Variants in PARP8 observed in about 807,000 individuals in gnomAD.
PARP8 encodes poly(ADP-ribose) polymerase family member 8.
In PARP8, 51 loss-of-function variants were observed where a neutral mutation model predicts 124.1. That is an observed-to-expected ratio of 0.41 (90% confidence interval 0.33 to 0.52). The LOEUF is 0.52. Ranked by LOEUF, PARP8 falls within the 20% of genes least tolerant of loss-of-function variation. The probability of loss-of-function intolerance (pLI) is 0.21; values close to 1 mark genes in which losing one functional copy is unlikely to be tolerated. For synonymous variants in PARP8, 391 were observed against 361.5 expected, an observed-to-expected ratio of 1.08 and a Z score of -0.93; for missense variants, 860 against 1,018.9, an observed-to-expected ratio of 0.84 and a Z score of 2.12.
chr5:50,791,552 C>T (rs369528953), intron 10 of PARP8, among the ~76,000 whole-genome samples: 9 of 152,128 alleles, frequency 5.9e-5, no homozygotes, highest in East Asian at 1.9e-4. Flanking sequence ...GTCAAAATAG[C>T]CTAAAAGAAA....
At chr5:50,772,796 A>C (rs922276119) in intron 7 of PARP8, among the ~76,000 whole-genome samples, 1 of 152,178 alleles carries the variant, frequency 6.6e-6, no homozygotes, top group Non-Finnish European at 1.5e-5. Context: ...GACTGGGTTC[A>C]AGCGATTATC....
intron 14 of PARP8, among the ~76,000 whole-genome samples, chr5:50,807,080 GTT>G (rs909977592): frequency 6.9e-6 from 1 of 145,458 alleles, no homozygotes. Context: ...ACTGTCCCAT[GTT>G]TTTTTTTTTC....
chr5:50,748,905 A>G (rs910295825), intron 2 of PARP8, among the ~76,000 whole-genome samples: 1 of 152,106 alleles, frequency 6.6e-6, no homozygotes, highest in African/African-American at 2.4e-5. Context: ...GCTCTTCTTG[A>G]TATTTTCTGC....
intron 9 of PARP8, among the ~76,000 whole-genome samples, chr5:50,784,048 G>A (rs1336164343): frequency 1.3e-5 from 2 of 151,972 alleles, no homozygotes; most frequent in Non-Finnish European, 2.9e-5. Flanking sequence ...TTAAAAAATC[G>A]GTGATTTAAA....
intron 9 of PARP8, among the ~76,000 whole-genome samples, chr5:50,779,753 A>C (rs184625481): frequency 4.3e-4 from 66 of 152,280 alleles, no homozygotes; most frequent in Middle Eastern, 6.8e-3. Flanking sequence ...TGATGTCTGC[A>C]TGTTTTTCCT....
chr5:50,754,187 A>G (rs1344666853), intron 3 of PARP8, among the ~76,000 whole-genome samples: 1 of 139,938 alleles, frequency 7.1e-6, no homozygotes, highest in Non-Finnish European at 1.5e-5. Context: ...ACACATATAT[A>G]TATATTTTAT....
intron 14 of PARP8, among the ~76,000 whole-genome samples, chr5:50,798,066 G>A (rs1742756595): frequency 6.6e-6 from 1 of 152,186 alleles, no homozygotes; most frequent in African/African-American, 2.4e-5. Context: ...TGTACAGTAT[G>A]TGGGCTTTTG....
In PARP8 at chr5:50,826,808, GTTGT is replaced by G; in HGVS notation, c.1977+8_1977+11del. On this transcript the variant is annotated splice_donor_region_variant and intron_variant, in intron 19 of 25. Transcript: ENST00000281631. Reference sequence around the variant, plus strand: ...GTGAAACTGCCAGTTAACAGGGTAAGTTGTTTTTTTTTTTTTTACATATGCATAC... The same window carrying G: ...GTGAAACTGCCAGTTAACAGGGTAAGTTTTTTTTTTTTTACATATGCATAC... The G allele has an allele frequency of 1.3e-6, 2 of 1,562,002 alleles. No individual in the cohort carries two copies. The highest frequency in any genetic ancestry group is 1.7e-6 in the Non-Finnish European group (2 of 1,164,448).
At chr5:50,794,810 T>A in intron 11 of PARP8, 43 bp from the exon 12 acceptor site, 3 of 1,515,804 alleles carry the variant, frequency 2.0e-6, no homozygotes, top group Non-Finnish European at 2.7e-6. Context: ...TGGTCTGATG[T>A]ACCTGTGATT....
At chr5:50,705,596 C>T (rs971673738) in intron 2 of PARP8, among the ~76,000 whole-genome samples, 1 of 152,054 alleles carries the variant, frequency 6.6e-6, no homozygotes, top group African/African-American at 2.4e-5. Context: ...ACCAGCCTGG[C>T]CAATATGGTG....
At chr5:50,697,912 A>G (rs1753199099) in intron 2 of PARP8, among the ~76,000 whole-genome samples, 1 of 152,174 alleles carries the variant, frequency 6.6e-6, no homozygotes, top group South Asian at 2.1e-4. Flanking sequence ...GAAAATAACC[A>G]CTGTGCTGGT....
At chr5:50,768,800 C>A (rs1003019194) in intron 7 of PARP8, among the ~76,000 whole-genome samples, 1 of 152,066 alleles carries the variant, frequency 6.6e-6, no homozygotes, top group Non-Finnish European at 1.5e-5. Context: ...TGCATCTGGA[C>A]AAACTGTAAT....
intron 2 of PARP8, among the ~76,000 whole-genome samples, chr5:50,726,096 C>T (rs1756396670): frequency 6.6e-6 from 1 of 151,772 alleles, no homozygotes; most frequent in Non-Finnish European, 1.5e-5. Flanking sequence ...TGTTACAAGT[C>T]GTCCTCCTCC....
At chr5:50,791,109 T>A (rs1346078091) in intron 10 of PARP8, among the ~76,000 whole-genome samples, 1 of 152,232 alleles carries the variant, frequency 6.6e-6, no homozygotes, top group Non-Finnish European at 1.5e-5. Context: ...TGTTATCAGT[T>A]GGTTTTCAGT....
chr5:50,690,516 C>T (rs1322382701), intron 2 of PARP8, among the ~76,000 whole-genome samples: 3 of 152,128 alleles, frequency 2.0e-5, no homozygotes, highest in Admixed American at 6.6e-5. Context: ...ACTTTGGTGC[C>T]GAGTTTGAAG....
chr5:50,702,608 G>C (rs1313997116), intron 2 of PARP8, among the ~76,000 whole-genome samples: 1 of 150,814 alleles, frequency 6.6e-6, no homozygotes, highest in Non-Finnish European at 1.5e-5. Flanking sequence ...AGCACTACTA[G>C]AAAATGTATA....
In PARP8 at chr5:50,724,798, C is replaced by CA. The variant is rs1756250369; in HGVS notation, c.147-25352dup. On this transcript the variant is annotated intron_variant, in intron 2 of 25. Transcript: ENST00000281631. ...AATTCTGAGATTTTAGTGCACCTGT[C>CA]ACCTAGGTAGTGTACATTGTACCTA... Among the ~76,000 whole-genome samples, 2 of 151,768 alleles carry CA rather than the reference C, an allele frequency of 1.3e-5. 1 individual carries two copies. Among genetic ancestry groups the CA allele is most frequent in the South Asian group, 4.2e-4 (2 of 4,816 alleles).
Position 50,806,380 on chromosome 5 carries a change from GC to G in PARP8, c.1576-9051del, listed in dbSNP as rs1490883599. Among the ~76,000 whole-genome samples the G allele has an allele frequency of 4.6e-5, 7 of 151,884 alleles. No individual in the cohort carries two copies. In the South Asian group the frequency reaches 1.0e-3, roughly 23 times the overall value. On this transcript the variant is annotated intron_variant, in intron 14 of 25. Coordinates refer to ENST00000281631, the MANE Select transcript of PARP8 (RefSeq NM_024615.4). ...TTCACTGTTTGTGGTTTAATTGTGG[GC>G]AATTCATTCCTATAGTAAGTAGTGG...
chr5:50,737,971 T>G (rs73101047), intron 2 of PARP8, among the ~76,000 whole-genome samples: 2,733 of 152,306 alleles, frequency 0.018, 84 homozygotes, highest in African/African-American at 0.063. Context: ...CACAATCTTA[T>G]GAGAACAAAA....
Sources: gnomAD v4.1 joint callset for allele counts (sites outside exome capture counted in the v4.1 genomes callset) on GRCh38, gnomAD v4.1.1 for gene constraint, MANE v1.5 for transcripts, NCBI Gene and HGNC (gene_info 2026-07-23, HGNC 2026-07-21) for gene names.